Variants in SEC11A observed in about 807,000 individuals in gnomAD.
SEC11A encodes signal peptidase complex catalytic subunit SEC11A.
Under a neutral mutation model 25.6 loss-of-function variants are expected in SEC11A, and 14 were observed. The observed-to-expected ratio is 0.55, with a 90% confidence interval of 0.36 to 0.85. The LOEUF (loss-of-function observed/expected upper bound fraction) is 0.85, where lower values mean the gene tolerates loss of function less well. Ranked by LOEUF, SEC11A falls within the 40% of genes least tolerant of loss-of-function variation. The pLI, the probability that SEC11A is intolerant of heterozygous loss-of-function variation, is 0.01. For missense variants in SEC11A, 153 were observed against 222.9 expected (o/e 0.69, Z 2.00); for synonymous variants, 83 against 76.4 (o/e 1.09, Z -0.45).
At chr15:84,688,432 T>C (rs1897493863) in intron 2 of SEC11A, among the ~76,000 whole-genome samples, 1 of 152,176 alleles carries the variant, frequency 6.6e-6, no homozygotes, top group Non-Finnish European at 1.5e-5. Flanking sequence ...TTCTACAGAG[T>C]ATCTTCTTAC....
chr15:84,678,040 A>G (rs1897186907), intron 4 of SEC11A, among the ~76,000 whole-genome samples: 1 of 152,136 alleles, frequency 6.6e-6, no homozygotes, highest in Admixed American at 6.5e-5. Flanking sequence ...TACTAAAAAT[A>G]TAAAAAATTA....
At chr15:84,697,481 T>C (rs1430787857) in intron 1 of SEC11A, among the ~76,000 whole-genome samples, 1 of 152,216 alleles carries the variant, frequency 6.6e-6, no homozygotes, top group Admixed American at 6.5e-5. Flanking sequence ...TATGTATAAC[T>C]GGTATGTTCC....
intron 1 of SEC11A, among the ~76,000 whole-genome samples, chr15:84,703,127 C>G (rs1897996841): frequency 6.6e-6 from 1 of 152,150 alleles, no homozygotes; most frequent in Non-Finnish European, 1.5e-5. Context: ...CAAAGCTATA[C>G]TGTCCTTTGG....
At chr15:84,674,261 TATTTC>T (rs1897077548) in intron 4 of SEC11A, among the ~76,000 whole-genome samples, 1 of 151,470 alleles carries the variant, frequency 6.6e-6, no homozygotes, top group Non-Finnish European at 1.5e-5. Flanking sequence ...CAGTAACTGT[TATTTC>T]TTTTGTCTCA....
chr15:84,697,487 G>A (rs1041856451), intron 1 of SEC11A, among the ~76,000 whole-genome samples: 1 of 152,116 alleles, frequency 6.6e-6, no homozygotes, highest in Admixed American at 6.6e-5. Context: ...TAACTGGTAT[G>A]TTCCTTAAAA....
intron 4 of SEC11A, among the ~76,000 whole-genome samples, chr15:84,674,733 A>AT (rs1390905954): frequency 6.6e-6 from 1 of 151,768 alleles, no homozygotes; most frequent in East Asian, 1.9e-4. Flanking sequence ...TAATTTTTAA[A>AT]TTTTTTTGTA....
chr15:84,715,369 G>A (rs1898427796), intron 1 of SEC11A, among the ~76,000 whole-genome samples: 1 of 152,176 alleles, frequency 6.6e-6, no homozygotes, highest in Non-Finnish European at 1.5e-5. Flanking sequence ...AAAGTGTAAG[G>A]ACAAAATCAG....
At position 84,691,600 on chromosome 15, in the gene SEC11A, T is replaced by A; in HGVS notation, c.96A>T (p.Ala32=). ...CCATTAACCCCTTCCAGATCATTAG[T>A]GCCGATGAGACAATCATTCCAAAAT... ...VLNFGMIVSS[A]LMIWKGLMVI... Residue 32 remains alanine, a synonymous_variant, in exon 2 of 6, where the codon GCA becomes GCT. Transcript: ENST00000268220. 1 of 1,613,228 alleles carries A rather than the reference T, an allele frequency of 6.2e-7. No homozygotes were observed. The highest frequency in any genetic ancestry group is 8.5e-7 in the Non-Finnish European group (1 of 1,179,268).
intron 2 of SEC11A, among the ~76,000 whole-genome samples, chr15:84,691,019 GC>G (rs1897588543): frequency 6.6e-6 from 1 of 151,346 alleles, no homozygotes; most frequent in African/African-American, 2.4e-5. Flanking sequence ...AAGGTCATGA[GC>G]CCTTTGGAGT....
intron 1 of SEC11A, among the ~76,000 whole-genome samples, chr15:84,711,781 C>CAAA (rs60088964): frequency 6.4e-5 from 6 of 93,104 alleles, no homozygotes; most frequent in African/African-American, 1.7e-4. Context: ...GACTCTATCT[C>CAAA]AAAAAAAAAA....
intron 3 of SEC11A, among the ~76,000 whole-genome samples, chr15:84,687,297 A>G (rs1259102174): frequency 6.6e-6 from 1 of 152,218 alleles, no homozygotes; most frequent in Non-Finnish European, 1.5e-5. Flanking sequence ...TGTAGGCGTG[A>G]GCCACTGTGC....
intron 1 of SEC11A, among the ~76,000 whole-genome samples, chr15:84,705,722 G>T (rs1036767203): frequency 1.3e-5 from 2 of 151,560 alleles, no homozygotes; most frequent in African/African-American, 4.8e-5. Context: ...AGGCGTGGTG[G>T]TGTGCATCTG....
chr15:84,694,508 C>T (rs1379833224), intron 1 of SEC11A, among the ~76,000 whole-genome samples: 1 of 152,148 alleles, frequency 6.6e-6, no homozygotes, highest in African/African-American at 2.4e-5. Context: ...TACACACATA[C>T]ATACAAGAAT....
chr15:84,712,449 C>CTT (rs150374364), intron 1 of SEC11A, among the ~76,000 whole-genome samples: 3 of 130,252 alleles, frequency 2.3e-5, no homozygotes, highest in East Asian at 2.3e-4. Context: ...TCTTTTTTTT[C>CTT]TTTTTTTTTT....
chr15:84,714,160 C>A (rs1007363236), intron 1 of SEC11A, among the ~76,000 whole-genome samples: 1 of 151,676 alleles, frequency 6.6e-6, no homozygotes, highest in Non-Finnish European at 1.5e-5. Context: ...GAACTACAGG[C>A]GTGCGCCAAC....
chr15:84,704,200 T>A (rs58399554), intron 1 of SEC11A, among the ~76,000 whole-genome samples: 4 of 152,170 alleles, frequency 2.6e-5, no homozygotes, highest in African/African-American at 9.7e-5. Context: ...TTGTCCTTAG[T>A]ATTTCTGTCA....
At chr15:84,676,219 C>T (rs1194930063) in intron 4 of SEC11A, among the ~76,000 whole-genome samples, 1 of 151,710 alleles carries the variant, frequency 6.6e-6, no homozygotes, top group African/African-American at 2.4e-5. Context: ...CCTTAGGCCT[C>T]AACATAAAAT....
At chr15:84,715,535 C>G (rs922916177) in intron 1 of SEC11A, among the ~76,000 whole-genome samples, 9 of 152,120 alleles carry the variant, frequency 5.9e-5, no homozygotes, top group Non-Finnish European at 1.3e-4. Flanking sequence ...TCGGTGCAGC[C>G]CGCTACGGTT....
chr15:84,674,704 G>A (rs1897091498), intron 4 of SEC11A, among the ~76,000 whole-genome samples: 1 of 151,970 alleles, frequency 6.6e-6, no homozygotes, highest in African/African-American at 2.4e-5. Flanking sequence ...GACTACAAGT[G>A]CACGCCACCA....
Sources: allele counts gnomAD v4.1 joint callset (sites outside exome capture counted in the v4.1 genomes callset), GRCh38; gene constraint gnomAD v4.1.1; transcripts MANE v1.5; gene names NCBI Gene and HGNC (gene_info 2026-07-23, HGNC 2026-07-21).